ALMS1: variants seen among roughly 807,000 people sequenced by gnomAD.
ALMS1 encodes the protein ALMS1 centrosome and basal body associated protein, also known as centrosome-associated protein ALMS1.
A neutral mutation model predicts 352.2 loss-of-function variants in ALMS1; 271 were observed. The ratio of observed to expected loss-of-function variants is 0.77; its 90% CI spans 0.70 to 0.85. The LOEUF (loss-of-function observed/expected upper bound fraction) is 0.85. Ranked by LOEUF, ALMS1 falls within the 40% of genes least tolerant of loss-of-function variation. The pLI, the probability that ALMS1 is intolerant of heterozygous loss-of-function variation, is 0.00. For missense variants in ALMS1, 5,445 were observed against 4,870.7 expected (o/e 1.12, Z -3.51); for synonymous variants, 1,865 against 1,761.2 (o/e 1.06, Z -1.48).
rs565326411 is a variant in ALMS1 at position 73,453,021 on chromosome 2, C to T, written c.6494C>T (p.Ala2165Val). The change falls in exon 8 of 23, where the codon GCT becomes GTT. Residue 2165 changes from alanine (A) to valine (V), a missense_variant. Coordinates refer to ENST00000613296, the MANE Select transcript of ALMS1 (RefSeq NM_001378454.1). ...DLPDRHLTED[A>V]LKISSALGQA... is the part of the protein sequence containing the mutation. The stretch of plus-strand genomic sequence containing the variant: ...CCAGATAGACATCTAACTGAAGATG[C>T]TCTAAAGATCTCAAGTGCTCTTGGG... 2 of 1,613,346 alleles carry T rather than the reference C, an allele frequency of 1.2e-6. No homozygotes were observed.
At chr2:73,408,226 G>A (rs1209409107) in intron 1 of ALMS1, among the ~76,000 whole-genome samples, 1 of 152,206 alleles carries the variant, frequency 6.6e-6, no homozygotes, top group Non-Finnish European at 1.5e-5. Flanking sequence ...ACTAGTAGGA[G>A]AGCGCTGCTC....
At chr2:73,562,086 G>A (rs565710442) in intron 15 of ALMS1, among the ~76,000 whole-genome samples, 2 of 152,204 alleles carry the variant, frequency 1.3e-5, no homozygotes, top group Admixed American at 6.5e-5. Flanking sequence ...ATCTGTTGTT[G>A]CCTCTAAAGA....
At chr2:73,456,454 G>A (rs1672060976) in intron 9 of ALMS1, among the ~76,000 whole-genome samples, 1 of 152,112 alleles carries the variant, frequency 6.6e-6, no homozygotes, top group Admixed American at 6.6e-5. Flanking sequence ...TATCGTAGAG[G>A]GTTTTGGTGT....
At position 73,534,044 on chromosome 2, in the gene ALMS1, CTATATT is replaced by C. The variant is rs1269904122; in HGVS notation, c.9782-777_9782-772del. ...TTTTCAACATTAGGCTAAGAGTTGACTATATTTAATCTGGTATAACCATAAAAATGT... is the reference window on the plus strand; with the variant it reads ...TTTTCAACATTAGGCTAAGAGTTGACTAATCTGGTATAACCATAAAAATGT... On this transcript the variant is annotated intron_variant, in intron 11 of 22. Coordinates refer to ENST00000613296, the MANE Select transcript of ALMS1 (RefSeq NM_001378454.1). Among the ~76,000 whole-genome samples the C allele has an allele frequency of 8.6e-5, 13 of 151,902 alleles. No individual in the cohort carries two copies. In the East Asian group the frequency reaches 2.5e-3, roughly 29 times the overall value.
chr2:73,432,740 T>G (rs540029526), intron 7 of ALMS1, among the ~76,000 whole-genome samples: 1 of 152,272 alleles, frequency 6.6e-6, no homozygotes, highest in South Asian at 2.1e-4. Context: ...CCTTGGGGAT[T>G]AGGATTTCAA....
chr2:73,387,613 A>G (rs1670565309), intron 1 of ALMS1, among the ~76,000 whole-genome samples: 2 of 152,214 alleles, frequency 1.3e-5, no homozygotes, highest in South Asian at 2.1e-4. Flanking sequence ...ACAGACTGCA[A>G]GGCTTTGTGT....
At chr2:73,421,384 C>T (rs1469038639) in intron 3 of ALMS1, among the ~76,000 whole-genome samples, 2 of 152,082 alleles carry the variant, frequency 1.3e-5, no homozygotes, top group African/African-American at 4.8e-5. Context: ...CCCCTTGTAG[C>T]ATCAGCTCTA....
chr2:73,504,873 C>A (rs565602868), intron 10 of ALMS1, among the ~76,000 whole-genome samples: 1 of 152,266 alleles, frequency 6.6e-6, no homozygotes, highest in African/African-American at 2.4e-5. Context: ...AATGTTATCT[C>A]TCCCCTTGCT....
chr2:73,559,313 A>ACT (rs1321276954), intron 15 of ALMS1, among the ~76,000 whole-genome samples, 171 bp downstream of exon 15: 1 of 131,392 alleles, frequency 7.6e-6, no homozygotes, highest in Non-Finnish European at 1.6e-5. Flanking sequence ...CTATTAGGTT[A>ACT]CTATATATAT....
At position 73,386,040 on chromosome 2, in the gene ALMS1, TCTCACTACGGG is replaced by T; in HGVS notation, c.174_184del (p.His59ProfsTer64). ...GGCGGGGCGGGAGTTGGACTCCGAC[TCTCACTACGGG>T]CCCCAGCATCTGGAAAGTATAGACG... On this transcript the variant is annotated frameshift_variant, in exon 1 of 23. Transcript: ENST00000613296. LOFTEE classifies it high-confidence loss of function. 2 of 1,569,930 alleles carry T rather than the reference TCTCACTACGGG, an allele frequency of 1.3e-6. No individual in the cohort carries two copies. The highest frequency in any genetic ancestry group is 1.7e-6 in the Non-Finnish European group (2 of 1,157,912).
At chr2:73,604,109 G>A (rs920199548) in intron 21 of ALMS1, 8 of 152,184 alleles carry the variant, frequency 5.3e-5, no homozygotes, top group African/African-American at 1.7e-4. Context: ...TATATGCATA[G>A]AATATTTCTG....
chr2:73,512,672 G>C (rs1388770239), intron 10 of ALMS1, among the ~76,000 whole-genome samples: 1 of 151,948 alleles, frequency 6.6e-6, no homozygotes, highest in Admixed American at 6.5e-5. Context: ...TCTATTTATT[G>C]TTACTATTGT....
intron 1 of ALMS1, among the ~76,000 whole-genome samples, chr2:73,400,923 A>G (rs1273086059): frequency 1.3e-5 from 2 of 152,010 alleles, no homozygotes; most frequent in African/African-American, 4.8e-5. Context: ...AGTAGCTGGG[A>G]TTATAGGTGT....
At chr2:73,492,293 A>G (rs1190901001) in intron 10 of ALMS1, among the ~76,000 whole-genome samples, 2 of 152,054 alleles carry the variant, frequency 1.3e-5, no homozygotes, top group Admixed American at 6.5e-5. Flanking sequence ...GAAGAAAGAA[A>G]TGTTTATTCA....
intron 11 of ALMS1, among the ~76,000 whole-genome samples, chr2:73,533,039 G>A (rs866436291): frequency 4.6e-5 from 7 of 152,318 alleles, no homozygotes; most frequent in Middle Eastern, 3.4e-3. Context: ...GTCATGGAAT[G>A]GAGGCCTCAG....
At chr2:73,506,592 G>A (rs1229029977) in intron 10 of ALMS1, among the ~76,000 whole-genome samples, 1 of 151,590 alleles carries the variant, frequency 6.6e-6, no homozygotes, top group Non-Finnish European at 1.5e-5. Flanking sequence ...TCTATTATTG[G>A]TGTATAAGAA....
intron 10 of ALMS1, among the ~76,000 whole-genome samples, chr2:73,496,312 A>G (rs931636377): frequency 3.3e-5 from 5 of 152,176 alleles, no homozygotes; most frequent in East Asian, 3.8e-4. Flanking sequence ...TTGCCTTTCT[A>G]GAGTGTCACA....
intron 2 of ALMS1, among the ~76,000 whole-genome samples, chr2:73,410,086 C>A (rs575210000): frequency 6.6e-6 from 1 of 152,262 alleles, no homozygotes; most frequent in Admixed American, 6.5e-5. Flanking sequence ...AAATGTTAAT[C>A]TCATTCATAC....
chr2:73,490,662 G>A lies in ALMS1; in HGVS notation c.8703G>A (p.Arg2901=), dbSNP rs2103892882. The part of the protein sequence containing the change: ...SKAPRADDHV[R]KHHSPSPQHQ... ...CCCCACGTGCAGATGACCATGTGAGGAAACACCATTCTCCCTCTCCTCAAC... is the reference window on the plus strand; with the variant it reads ...CCCCACGTGCAGATGACCATGTGAGAAAACACCATTCTCCCTCTCCTCAAC... The change falls in exon 10 of 23, where the codon AGG becomes AGA. Residue 2901 remains arginine, a synonymous_variant. Coordinates refer to ENST00000613296, the MANE Select transcript of ALMS1 (RefSeq NM_001378454.1). 6.2e-7 allele frequency: 1 copy of A among 1,613,804 alleles called. No homozygotes were observed. Among genetic ancestry groups the A allele is most frequent in the Non-Finnish European group, 8.5e-7 (1 of 1,179,946 alleles).
Sources: gnomAD v4.1 joint callset for allele counts (sites outside exome capture counted in the v4.1 genomes callset) on GRCh38, gnomAD v4.1.1 for gene constraint, MANE v1.5 for transcripts, NCBI Gene and HGNC (gene_info 2026-07-23, HGNC 2026-07-21) for gene names.